The following LPAR5 variants were observed in gnomAD, a reference collection of about 807,000 sequenced individuals.
The protein encoded by LPAR5 is G protein-coupled receptor 92.
For missense variants in LPAR5, 544 were observed against 521.8 expected, an observed-to-expected ratio of 1.04 and a Z score of -0.41; for synonymous variants, 271 against 261.6, an observed-to-expected ratio of 1.04 and a Z score of -0.35.
rs1948886626 is a variant in LPAR5, at chr12:6,620,703, C to G, written c.546G>C (p.Glu182Asp). 2 of 1,577,792 alleles carry G rather than the reference C, an allele frequency of 1.3e-6. No individual in the cohort carries two copies. Among genetic ancestry groups the G allele is most frequent in the Non-Finnish European group, 1.7e-6 (2 of 1,161,658 alleles). Residue 182 changes from glutamate (E) to aspartate (D), a missense_variant, in exon 2 of 2, where the codon GAG becomes GAC. Glu to Asp is a conservative substitution (Grantham distance 45, BLOSUM62 2). Coordinates refer to ENST00000329858, the MANE Select transcript of LPAR5 (RefSeq NM_020400.6). This position sits in a 1 kb window ranked among gnomAD's most constrained non-coding sequence, Gnocchi z 6.8. ...VRLCFESFSD[E>D]LWKGRLLPLV... ...GGGGCAGCAGCCTGCCTTTCCACAG[C>G]TCGTCGCTGAAGCTCTCGAAGCATA...
At chr12:6,623,540 TGAGA>T (rs145690337) in intron 1 of LPAR5, among the ~76,000 whole-genome samples, 25 of 141,976 alleles carry the variant, frequency 1.8e-4, no homozygotes, top group Non-Finnish European at 2.3e-4. Context: ...TCTCAAAAAA[TGAGA>T]GAGAGAGAGA....
In LPAR5 at chr12:6,628,146, C is replaced by G. The variant is rs374584873; in HGVS notation, c.-216-6682G>C. Among the ~76,000 whole-genome samples, 3 of 147,650 alleles carry G rather than the reference C, an allele frequency of 2.0e-5. No homozygotes were observed. The South Asian group carries it at 6.5e-4, about 32-fold the overall frequency. ...ACGCCATTCTCCTGCCTCAGCCTCC[C>G]GAGTAGCTGGGACTACAGGCACCTG... On this transcript the variant is annotated intron_variant, in intron 1 of 1. Transcript: ENST00000329858.
At chr12:6,633,538 G>A (rs1948994027) in intron 1 of LPAR5, among the ~76,000 whole-genome samples, 3 of 151,844 alleles carry the variant, frequency 2.0e-5, no homozygotes, top group Admixed American at 6.6e-5. Flanking sequence ...TCAGTCTCCC[G>A]AGTAGCTGAG....
At chr12:6,621,656 G>A (rs1240869446) in intron 1 of LPAR5, among the ~76,000 whole-genome samples, 192 bp from the exon 2 acceptor site, 1 of 152,212 alleles carries the variant, frequency 6.6e-6, no homozygotes, top group East Asian at 1.9e-4. Context: ...CGGATGCCTA[G>A]GTTTAAATCT....
intron 1 of LPAR5, among the ~76,000 whole-genome samples, chr12:6,627,854 C>T (rs1948952367): frequency 6.6e-6 from 1 of 151,334 alleles, no homozygotes; most frequent in Non-Finnish European, 1.5e-5. Context: ...TACCCCCGCC[C>T]ACGCTCTAAT....
At chr12:6,626,795 C>G (rs1422800935) in intron 1 of LPAR5, among the ~76,000 whole-genome samples, 2 of 152,224 alleles carry the variant, frequency 1.3e-5, no homozygotes, top group Admixed American at 1.3e-4. Flanking sequence ...CCTTCCCTAA[C>G]CGCCCCCGCA....
intron 1 of LPAR5, among the ~76,000 whole-genome samples, chr12:6,629,729 TTAAAGG>T (rs1948969835): frequency 6.7e-6 from 1 of 148,770 alleles, no homozygotes; most frequent in East Asian, 2.0e-4. Flanking sequence ...GAGCGGCTAC[TTAAAGG>T]TAAAGTTAGG....
chr12:6,626,729 C>T (rs1340405149), intron 1 of LPAR5, among the ~76,000 whole-genome samples: 2 of 152,206 alleles, frequency 1.3e-5, no homozygotes, highest in Admixed American at 1.3e-4. Flanking sequence ...ACTTGGAATG[C>T]CCTGCCTCCC....
intron 1 of LPAR5, among the ~76,000 whole-genome samples, chr12:6,624,639 A>G (rs1238695002): frequency 2.0e-5 from 3 of 151,668 alleles, no homozygotes; most frequent in Non-Finnish European, 4.4e-5. Context: ...TTTTTCTTTG[A>G]GACCTAGTTT....
In LPAR5 at chr12:6,620,794, A is replaced by G. The variant is rs749044241; in HGVS notation, c.455T>C (p.Phe152Ser). ...CLGVWALILV[F>S]AVPAARVHRP... ...GTGCACGCGGGCGGCGGGCACGGCAAACACCAGGATGAGCGCCCACACGCC... is the reference window on the plus strand; with the variant it reads ...GTGCACGCGGGCGGCGGGCACGGCAGACACCAGGATGAGCGCCCACACGCC... Residue 152 changes from phenylalanine to serine, a missense_variant, in exon 2 of 2, where the codon TTT (phenylalanine) becomes TCT (serine). Transcript: ENST00000329858. This position sits in a 1 kb window ranked among gnomAD's most constrained non-coding sequence, Gnocchi z 6.8. 5 of 1,579,810 alleles carry G rather than the reference A, an allele frequency of 3.2e-6. No homozygotes were observed. Among genetic ancestry groups the G allele is most frequent in the African/African-American group, 1.3e-5 (1 of 74,258 alleles).
At chr12:6,630,728 A>G (rs143683899) in intron 1 of LPAR5, among the ~76,000 whole-genome samples, 2,090 of 152,088 alleles carry the variant, frequency 0.014, 47 homozygotes, top group African/African-American at 0.047. Context: ...CTGAGATTAT[A>G]GGCATGAGCC....
chr12:6,625,447 C>T (rs1448880929), intron 1 of LPAR5, among the ~76,000 whole-genome samples: 23 of 140,196 alleles, frequency 1.6e-4, no homozygotes, highest in Admixed American at 7.4e-4. Context: ...GAGGGCCGGG[C>T]GCGGTGGCTC....
chr12:6,635,775 T>G (rs1046024148), intron 1 of LPAR5, 132 bp downstream of exon 1: 1 of 152,260 alleles, frequency 6.6e-6, no homozygotes, highest in Non-Finnish European at 1.5e-5. Context: ...TTTCGGCTTT[T>G]TACTCTGTTC....
At chr12:6,625,542 A>G (rs2136242374) in intron 1 of LPAR5, among the ~76,000 whole-genome samples, 1 of 150,672 alleles carries the variant, frequency 6.6e-6, no homozygotes, top group Middle Eastern at 3.4e-3. Context: ...TAACATGGTG[A>G]AACCTCGTCT....
In LPAR5 at chr12:6,620,590, C is replaced by G. The variant is rs1592296186; in HGVS notation, c.659G>C (p.Arg220Pro). 2 of 1,550,984 alleles carry G rather than the reference C, an allele frequency of 1.3e-6. No individual in the cohort carries two copies. Among genetic ancestry groups the G allele is most frequent in the East Asian group, 2.4e-5 (1 of 41,212 alleles). The change falls in exon 2 of 2, where the codon CGC (arginine) becomes CCC (proline). Residue 220 changes from arginine (R) to proline (P), a missense_variant. Transcript: ENST00000329858. This position sits in a 1 kb window ranked among gnomAD's most constrained non-coding sequence, Gnocchi z 6.8. ...CCGCTGGCTCTGCGTGGCGTCGGGGCGCGCCAGCGTCCAGAAGACTCGGCC... is the reference window on the plus strand; with the variant it reads ...CCGCTGGCTCTGCGTGGCGTCGGGGGGCGCCAGCGTCCAGAAGACTCGGCC... Reference protein sequence around the residue: ...SSGRVFWTLARPDATQSQRRR... With the variant: ...SSGRVFWTLAPPDATQSQRRR...
chr12:6,621,171 C>A lies in LPAR5; in HGVS notation c.78G>T (p.Leu26Phe). The stretch of plus-strand genomic sequence containing the variant: ...CAGCCAGCACCAAGCTGTAGACCAC[C>A]AAGTGCAGGCGGTGGGTAGGTCGGT... Reference protein sequence around the residue: ...PDYRPTHRLHLVVYSLVLAAG... With the variant: ...PDYRPTHRLHFVVYSLVLAAG... Residue 26 changes from leucine (L) to phenylalanine (F), a missense_variant, in exon 2 of 2, where the codon TTG (leucine) becomes TTT (phenylalanine). By Grantham distance (22) the Leu-to-Phe change is conservative (BLOSUM62 0). Coordinates refer to ENST00000329858, the MANE Select transcript of LPAR5 (RefSeq NM_020400.6). 1 of 1,578,198 alleles carries A rather than the reference C, an allele frequency of 6.3e-7. No homozygotes were observed. Among genetic ancestry groups the A allele is most frequent in the Non-Finnish European group, 8.6e-7 (1 of 1,162,208 alleles).
chr12:6,627,940 G>C (rs1029053684), intron 1 of LPAR5, among the ~76,000 whole-genome samples: 3 of 149,792 alleles, frequency 2.0e-5, no homozygotes. Flanking sequence ...TAAAAGACCT[G>C]TTTGGAAACA....
intron 1 of LPAR5, among the ~76,000 whole-genome samples, chr12:6,626,352 A>G (rs899023593): frequency 1.2e-4 from 18 of 152,322 alleles, no homozygotes; most frequent in Non-Finnish European, 1.8e-4. Context: ...GGCTCAAGCA[A>G]TCCTTTTGCC....
intron 1 of LPAR5, among the ~76,000 whole-genome samples, chr12:6,625,854 A>G (rs987577864): frequency 2.0e-5 from 3 of 152,136 alleles, no homozygotes; most frequent in Non-Finnish European, 4.4e-5. Flanking sequence ...CAGGCTGGAA[A>G]GCAGTGGCTC....
Sources: gnomAD v4.1 joint callset for allele counts (sites outside exome capture counted in the v4.1 genomes callset) on GRCh38, gnomAD v4.1.1 for gene constraint, Gnocchi (gnomAD v3.1) non-coding constraint, MANE v1.5 for transcripts, NCBI Gene and HGNC (gene_info 2026-07-23, HGNC 2026-07-21) for gene names.